Variants in ALK observed in about 807,000 individuals in gnomAD.
The protein encoded by ALK is ALK receptor tyrosine kinase.
Under a neutral mutation model 163.1 loss-of-function variants are expected in ALK, and 74 were observed. The observed-to-expected ratio is 0.45, with a 90% confidence interval of 0.38 to 0.55. The LOEUF (loss-of-function observed/expected upper bound fraction) is 0.55. Ranked by LOEUF, ALK falls within the 20% of genes least tolerant of loss-of-function variation. The pLI is 0.00. For synonymous variants in ALK, 960 were observed against 843.2 expected, an observed-to-expected ratio of 1.14 and a Z score of -2.40; for missense variants, 2,063 against 2,105.3, an observed-to-expected ratio of 0.98 and a Z score of 0.39.
At chr2:29,500,902 T>C (rs542565575) in intron 4 of ALK, among the ~76,000 whole-genome samples, 2 of 152,156 alleles carry the variant, frequency 1.3e-5, no homozygotes, top group Non-Finnish European at 1.5e-5. Flanking sequence ...CCCTACCACA[T>C]TGACACAACC....
At chr2:29,755,021 C>T (rs1680474560) in intron 1 of ALK, among the ~76,000 whole-genome samples, 1 of 152,278 alleles carries the variant, frequency 6.6e-6, no homozygotes, top group Admixed American at 6.5e-5. Flanking sequence ...CACCGTGATT[C>T]TGAGCTTGGT....
At chr2:29,473,685 A>T (rs1671426317) in intron 4 of ALK, among the ~76,000 whole-genome samples, 1 of 149,982 alleles carries the variant, frequency 6.7e-6, no homozygotes, top group South Asian at 2.2e-4. Flanking sequence ...CCTGGCCAAC[A>T]TGGCAAAGCC....
intron 11 of ALK, among the ~76,000 whole-genome samples, chr2:29,258,997 C>T (rs1342191348): frequency 6.6e-6 from 1 of 151,952 alleles, no homozygotes; most frequent in East Asian, 2.0e-4. Flanking sequence ...AATACACATA[C>T]ATATGTATAT....
At chr2:29,722,134 T>C (rs2148310993) in intron 1 of ALK, among the ~76,000 whole-genome samples, 1 of 152,362 alleles carries the variant, frequency 6.6e-6, no homozygotes, top group South Asian at 2.1e-4. Flanking sequence ...GGGAAGATCC[T>C]CTTTATTCTT....
intron 2 of ALK, among the ~76,000 whole-genome samples, chr2:29,711,962 GT>G (rs1558454498): frequency 6.6e-6 from 1 of 152,034 alleles, no homozygotes; most frequent in Non-Finnish European, 1.5e-5. Flanking sequence ...TTATTCTGAC[GT>G]TTTTTCTTTC....
chr2:29,599,963 G>A (rs1046218302), intron 3 of ALK, among the ~76,000 whole-genome samples: 1 of 152,138 alleles, frequency 6.6e-6, no homozygotes, highest in African/African-American at 2.4e-5. Context: ...ATCTCCCTAA[G>A]ATTGGGGGTG....
intron 1 of ALK, among the ~76,000 whole-genome samples, chr2:29,910,560 C>T (rs1357155719): frequency 6.6e-6 from 1 of 152,088 alleles, no homozygotes; most frequent in African/African-American, 2.4e-5. Flanking sequence ...AATCAAATTT[C>T]TAAAATCCTA....
At chr2:29,577,347 C>T (rs1674552979) in intron 3 of ALK, among the ~76,000 whole-genome samples, 1 of 152,224 alleles carries the variant, frequency 6.6e-6, no homozygotes, top group Admixed American at 6.5e-5. Context: ...CAGATGACAT[C>T]TGTCATGGTC....
chr2:29,366,680 C>T (rs1436444172), intron 5 of ALK, among the ~76,000 whole-genome samples: 1 of 152,104 alleles, frequency 6.6e-6, no homozygotes, highest in Non-Finnish European at 1.5e-5. Flanking sequence ...TCTTCCAATA[C>T]TAGGATGATA....
chr2:29,771,684 G>A (rs1212310436), intron 1 of ALK, among the ~76,000 whole-genome samples: 4 of 152,096 alleles, frequency 2.6e-5, no homozygotes, highest in African/African-American at 7.2e-5. Context: ...ACAGGCGCCT[G>A]CCACCATGCC....
At chr2:29,228,788 C>T (rs551162452) in intron 16 of ALK, 96 bp downstream of exon 16, 3 of 839,244 alleles carry the variant, frequency 3.6e-6, no homozygotes, top group Admixed American at 3.5e-5. Flanking sequence ...CACACTTGGG[C>T]AGGCCAGGGG....
chr2:29,878,598 T>G (rs746049697), intron 1 of ALK, among the ~76,000 whole-genome samples: 1 of 152,242 alleles, frequency 6.6e-6, no homozygotes, highest in Non-Finnish European at 1.5e-5. Context: ...ACCTGGATGT[T>G]ACTAGTAGGT....
intron 1 of ALK, among the ~76,000 whole-genome samples, chr2:29,773,048 C>G (rs1485019688): frequency 6.6e-6 from 1 of 152,102 alleles, no homozygotes; most frequent in African/African-American, 2.4e-5. Flanking sequence ...AAACACCAAC[C>G]AACATTGATG....
intron 5 of ALK, among the ~76,000 whole-genome samples, chr2:29,356,792 G>T (rs776327392): frequency 6.6e-6 from 1 of 152,188 alleles, no homozygotes; most frequent in Non-Finnish European, 1.5e-5. Flanking sequence ...CAGGGCTCTT[G>T]TGCAGCTGCA....
chr2:29,354,261 T>G (rs919958357), intron 5 of ALK, among the ~76,000 whole-genome samples: 1 of 152,240 alleles, frequency 6.6e-6, no homozygotes, highest in African/African-American at 2.4e-5. Context: ...GGTGGCCCTG[T>G]GGTCTCTGCG....
chr2:29,241,220 T>C (rs1401145648), intron 12 of ALK, among the ~76,000 whole-genome samples: 1 of 152,106 alleles, frequency 6.6e-6, no homozygotes, highest in South Asian at 2.1e-4. Flanking sequence ...GAGGAGACGA[T>C]CTTCATGATG....
chr2:29,518,458 A>G (rs569916291), intron 4 of ALK, among the ~76,000 whole-genome samples: 1 of 152,362 alleles, frequency 6.6e-6, no homozygotes, highest in East Asian at 1.9e-4. Context: ...CTCCATTCAG[A>G]AAAAAGAATC....
intron 4 of ALK, among the ~76,000 whole-genome samples, chr2:29,445,633 C>T (rs780774712): frequency 2.0e-5 from 3 of 152,002 alleles, no homozygotes; most frequent in Middle Eastern, 3.4e-3. Context: ...CCAGCCTGAA[C>T]AACATGGTGA....
chr2:29,448,428 G>A (rs1023443626), intron 4 of ALK, among the ~76,000 whole-genome samples: 4 of 152,166 alleles, frequency 2.6e-5, no homozygotes, highest in African/African-American at 7.2e-5. Context: ...CCTCATGGGC[G>A]TGTTAAACCA....
Sources: gnomAD v4.1 joint callset for allele counts (sites outside exome capture counted in the v4.1 genomes callset) on GRCh38, gnomAD v4.1.1 for gene constraint, MANE v1.5 for transcripts, NCBI Gene and HGNC (gene_info 2026-07-23, HGNC 2026-07-21) for gene names.